The following SLC30A9 variants were observed in gnomAD, a reference collection of about 807,000 sequenced individuals.
SLC30A9 encodes proton-coupled zinc antiporter SLC30A9, mitochondrial.
A neutral mutation model predicts 87.5 loss-of-function variants in SLC30A9; 58 were observed. The observed-to-expected ratio is 0.66, with a 90% CI of 0.54 to 0.82. SLC30A9 has a LOEUF of 0.82. Among genes scored for constraint, SLC30A9 ranks in the 40% least tolerant of loss-of-function variants. The pLI, the probability that SLC30A9 is intolerant of heterozygous loss-of-function variation, is 0.00. For missense variants in SLC30A9, 557 were observed against 679.1 expected, an observed-to-expected ratio of 0.82 and a Z score of 2.00; for synonymous variants, 234 against 233.0, an observed-to-expected ratio of 1.00 and a Z score of -0.04.
chr4:42,020,317 G>T, intron 3 of SLC30A9, 99 bp from the exon 4 acceptor site: 1 of 570,944 alleles, frequency 1.8e-6, no homozygotes, highest in Admixed American at 3.2e-5. Context: ...AGTTTTCTGT[G>T]AAATTCATTA....
chr4:42,067,005 A>G, intron 13 of SLC30A9, 80 bp from the exon 14 acceptor site: 6 of 797,858 alleles, frequency 7.5e-6, no homozygotes, highest in Non-Finnish European at 1.1e-5. Flanking sequence ...TTTTAAATGG[A>G]TACTTATTAA....
intron 15 of SLC30A9, 101 bp from the exon 16 acceptor site, chr4:42,075,556 C>CT (rs1718516680): frequency 1.9e-6 from 2 of 1,054,576 alleles, no homozygotes; most frequent in Admixed American, 4.7e-5. Context: ...ATTCTCGTAA[C>CT]TAGTGGGGAA....
In SLC30A9 at chr4:42,020,395, GTT is replaced by G. The variant is rs1382764576; in HGVS notation, c.335-18_335-17del. 8.7e-7 allele frequency: 1 copy of G among 1,155,996 alleles called. No individual in the cohort carries two copies. Among genetic ancestry groups the G allele is most frequent in the Non-Finnish European group, 1.3e-6 (1 of 781,636 alleles). 71.6% of individuals were successfully genotyped at this position (1,155,996 alleles called of 1,614,324 possible). A position where few individuals can be genotyped will look rare whatever the true frequency, so the allele number is the denominator to read the frequency against. On this transcript the variant is annotated intron_variant, in intron 3 of 17. Transcript: ENST00000264451. ...GACTTTCAATGTGCATATTTATTAT[GTT>G]TTCCTGTTTTTTGTTTAGTTAAAGC...
chr4:41,996,102 G>A (rs1048366848), intron 1 of SLC30A9, among the ~76,000 whole-genome samples: 5 of 151,922 alleles, frequency 3.3e-5, no homozygotes, highest in South Asian at 2.1e-4. Context: ...TTTATTTTTT[G>A]TGGTTTTTTT....
chr4:42,002,312 G>A (rs1181237816), intron 2 of SLC30A9, among the ~76,000 whole-genome samples: 1 of 151,900 alleles, frequency 6.6e-6, no homozygotes, highest in Non-Finnish European at 1.5e-5. Flanking sequence ...GGGTACATGT[G>A]AGGGTTTGTT....
At chr4:42,066,654 C>T (rs1252651527) in intron 13 of SLC30A9, 33 bp downstream of exon 13, 1 of 1,440,164 alleles carries the variant, frequency 6.9e-7, no homozygotes, top group Non-Finnish European at 9.7e-7. Context: ...GTTTGTTTCA[C>T]CTCCCTTATT....
intron 17 of SLC30A9, chr4:42,078,928 G>A (rs1445479136): frequency 1.3e-5 from 2 of 152,118 alleles, no homozygotes; most frequent in African/African-American, 4.8e-5. Context: ...GTTGAAGGCA[G>A]TGCTTTTTCT....
intron 17 of SLC30A9, among the ~76,000 whole-genome samples, chr4:42,080,430 CAT>C (rs988091275): frequency 6.6e-6 from 1 of 152,232 alleles, no homozygotes; most frequent in African/African-American, 2.4e-5. Flanking sequence ...AAGTTCCAAA[CAT>C]GAAGTTTCAG....
Position 42,038,981 on chromosome 4 carries a change from T to C in SLC30A9, c.670-5T>C, listed in dbSNP as rs565943841. On this transcript the variant is annotated splice_polypyrimidine_tract_variant and splice_region_variant and intron_variant, in intron 7 of 17. Coordinates refer to ENST00000264451, the MANE Select transcript of SLC30A9 (RefSeq NM_006345.4). ...GTATTAAAAAAAGTTTTTGTTTTTT[T>C]ACAGCCACGCTCCAGAACAGCATCA... 8.7e-6 allele frequency: 14 copies of C among 1,612,606 alleles called. No individual in the cohort carries two copies. In the African/African-American group the frequency reaches 1.1e-4, roughly 12 times the overall value.
chr4:42,002,788 C>T (rs1357987667), intron 2 of SLC30A9, among the ~76,000 whole-genome samples: 1 of 152,022 alleles, frequency 6.6e-6, no homozygotes. Flanking sequence ...TTGATATACA[C>T]TCCCTGATGG....
chr4:42,023,962 C>G (rs908398994), intron 6 of SLC30A9, among the ~76,000 whole-genome samples: 1 of 152,044 alleles, frequency 6.6e-6, no homozygotes, highest in Non-Finnish European at 1.5e-5. Flanking sequence ...TGGGGGAGAC[C>G]ATCCCCATGA....
chr4:42,040,655 G>A (rs1716883322), intron 8 of SLC30A9, among the ~76,000 whole-genome samples: 1 of 152,036 alleles, frequency 6.6e-6, no homozygotes, highest in Non-Finnish European at 1.5e-5. Flanking sequence ...AATTAGCTGG[G>A]CGTAGTGGTG....
intron 1 of SLC30A9, 140 bp from the exon 2 acceptor site, chr4:42,001,476 T>C (rs1714980810): frequency 4.1e-6 from 2 of 491,134 alleles, no homozygotes; most frequent in Non-Finnish European, 7.3e-6. Context: ...AATTAGAATG[T>C]TGTCACTAAT....
intron 2 of SLC30A9, among the ~76,000 whole-genome samples, chr4:42,012,137 A>G (rs1037839751): frequency 3.9e-5 from 6 of 152,186 alleles, no homozygotes; most frequent in Non-Finnish European, 8.8e-5. Flanking sequence ...AGGATAAATA[A>G]AAAGAAATCT....
chr4:42,065,210 T>A (rs1718031903), intron 11 of SLC30A9, 100 bp from the exon 12 acceptor site: 1 of 703,966 alleles, frequency 1.4e-6, no homozygotes, highest in South Asian at 1.5e-5. Context: ...TGGCTTAAAT[T>A]TGAATTCGTG....
chr4:41,990,876 T>TC (rs1714404019), intron 1 of SLC30A9, 116 bp downstream of exon 1: 2 of 732,274 alleles, frequency 2.7e-6, no homozygotes, highest in Admixed American at 5.3e-5. Context: ...CTCAGAACCT[T>TC]CCTTTCTGGC....
intron 2 of SLC30A9, among the ~76,000 whole-genome samples, chr4:42,017,741 T>C (rs1042200494): frequency 1.3e-5 from 2 of 152,160 alleles, no homozygotes; most frequent in Admixed American, 6.5e-5. Flanking sequence ...TTTTGTTCCT[T>C]AATTTAAAAA....
intron 2 of SLC30A9, among the ~76,000 whole-genome samples, chr4:42,013,691 T>C (rs775121666): frequency 6.6e-6 from 1 of 152,174 alleles, no homozygotes; most frequent in African/African-American, 2.4e-5. Context: ...TGGATATCCA[T>C]ATGCAGAAGC....
chr4:42,009,323 A>G (rs1715347063), intron 2 of SLC30A9, among the ~76,000 whole-genome samples: 1 of 152,216 alleles, frequency 6.6e-6, no homozygotes, highest in African/African-American at 2.4e-5. Context: ...TGATTGAAAG[A>G]TAATTTGTAT....
Sources: gnomAD v4.1 joint callset for allele counts (sites outside exome capture counted in the v4.1 genomes callset) on GRCh38, gnomAD v4.1.1 for gene constraint, MANE v1.5 for transcripts, NCBI Gene and HGNC (gene_info 2026-07-23, HGNC 2026-07-21) for gene names.